Variants in DGKH observed in about 807,000 individuals in gnomAD.
DGKH encodes the protein diacylglycerol kinase eta.
DGKH carries 90 observed loss-of-function variants against 159.3 expected under a neutral mutation model. The observed-to-expected ratio is 0.57, with a 90% CI of 0.48 to 0.67. The LOEUF is 0.67. Among genes scored for constraint, DGKH ranks in the 30% least tolerant of loss-of-function variants. DGKH has a pLI of 0.00. For synonymous variants in DGKH, 536 were observed against 553.8 expected (o/e 0.97, Z 0.45); for missense variants, 1,181 against 1,506.1 (o/e 0.78, Z 3.57).
In DGKH at chr13:42,214,448, A is replaced by G. The variant is rs117665912; in HGVS notation, c.3015-59A>G. The G allele has an allele frequency of 2.7e-3, 4,188 of 1,541,362 alleles. 81 individuals are homozygous for G. In the East Asian group the frequency reaches 0.045, roughly 16 times the overall value. On this transcript the variant is annotated intron_variant, in intron 24 of 29. Transcript: ENST00000337343. ...TTTATCCTAACATTTCTATACTTCA[A>G]AAAAAATGAGCAATACTCAAAAAAG...
At chr13:42,098,965 T>A (rs145468334) in intron 1 of DGKH, among the ~76,000 whole-genome samples, 41 of 152,290 alleles carry the variant, frequency 2.7e-4, no homozygotes, top group Middle Eastern at 3.4e-3. Context: ...GGAAACATGA[T>A]TAAATGCCAA....
intron 30 of DGKH, chr13:42,256,161 T>C: frequency 8.4e-7 from 1 of 1,188,758 alleles, no homozygotes; most frequent in Non-Finnish European, 1.3e-6. Flanking sequence ...GTAGCCCAAG[T>C]CATGGGGAAT....
chr13:42,050,939 G>A (rs1259811899), intron 1 of DGKH, among the ~76,000 whole-genome samples: 1 of 152,180 alleles, frequency 6.6e-6, no homozygotes, highest in Admixed American at 6.5e-5. Context: ...ACTTATATCA[G>A]GATTAACCAG....
At chr13:42,119,135 G>C (rs1476690846) in intron 1 of DGKH, among the ~76,000 whole-genome samples, 2 of 152,162 alleles carry the variant, frequency 1.3e-5, no homozygotes, top group Non-Finnish European at 1.5e-5. Flanking sequence ...CAGATGCTAC[G>C]GTGATGCAGC....
intron 14 of DGKH, 148 bp downstream of exon 14, chr13:42,187,296 T>A (rs1035153825): frequency 3.1e-6 from 2 of 654,850 alleles, no homozygotes; most frequent in Non-Finnish European, 5.3e-6. Context: ...CTGAGAATTT[T>A]AAAAAATATT....
At chr13:42,181,005 G>T (rs1246228640) in intron 13 of DGKH, among the ~76,000 whole-genome samples, 2 of 151,926 alleles carry the variant, frequency 1.3e-5, no homozygotes, top group African/African-American at 4.8e-5. Flanking sequence ...GGCCGGGCGC[G>T]GTGGCTCACG....
rs200206347 is a variant in DGKH at position 42,190,391 on chromosome 13, T to A, written c.1913-12T>A. ...CACTTATCCAAACTATTTGTCTTCT[T>A]ACTACCTGAAGTTATGGATGACCCG... On this transcript the variant is annotated splice_polypyrimidine_tract_variant and intron_variant, in intron 15 of 29. Coordinates refer to ENST00000337343, the MANE Select transcript of DGKH (RefSeq NM_178009.5). The A allele has an allele frequency of 6.2e-7, 1 of 1,603,202 alleles. No homozygotes were observed. The highest frequency in any genetic ancestry group is 1.7e-5 in the Admixed American group (1 of 57,372).
intron 26 of DGKH, among the ~76,000 whole-genome samples, chr13:42,217,623 A>T (rs969898195): frequency 2.0e-5 from 3 of 152,302 alleles, no homozygotes; most frequent in South Asian, 2.1e-4. Context: ...AAAGTTCATA[A>T]TAACAGTAAT....
chr13:42,180,840 T>C (rs974668400), intron 13 of DGKH, among the ~76,000 whole-genome samples: 4 of 152,228 alleles, frequency 2.6e-5, no homozygotes, highest in African/African-American at 9.7e-5. Context: ...AAATTTTATT[T>C]CTTCTTCTTA....
chr13:42,215,115 G>A (rs1297675537), intron 25 of DGKH, among the ~76,000 whole-genome samples: 1 of 151,368 alleles, frequency 6.6e-6, no homozygotes, highest in Non-Finnish European at 1.5e-5. Context: ...CTCTTAAAAT[G>A]TGCCACATGG....
intron 1 of DGKH, among the ~76,000 whole-genome samples, chr13:42,106,403 GCTCTGCATA>G (rs1481076147): frequency 2.0e-5 from 3 of 152,110 alleles, no homozygotes; most frequent in African/African-American, 4.8e-5. Flanking sequence ...GTCCTGCCTG[GCTCTGCATA>G]CTCTCAGCAG....
At chr13:42,151,930 C>T (rs1236024736) in intron 3 of DGKH, among the ~76,000 whole-genome samples, 1 of 152,070 alleles carries the variant, frequency 6.6e-6, no homozygotes, top group Non-Finnish European at 1.5e-5. Flanking sequence ...CAAGCATTCC[C>T]TTTGCTCCAC....
At chr13:42,118,110 G>C (rs866560817) in intron 1 of DGKH, among the ~76,000 whole-genome samples, 31 of 152,176 alleles carry the variant, frequency 2.0e-4, no homozygotes, top group Non-Finnish European at 2.6e-4. Context: ...CCAGCTACTC[G>C]GGAGGCTGAG....
At position 42,230,288 on chromosome 13, in the gene DGKH, C is replaced by T. The variant is rs1424387425; in HGVS notation, c.*1100C>T. 2 of 152,280 alleles carry T rather than the reference C, an allele frequency of 1.3e-5. No individual in the cohort carries two copies. The highest frequency in any genetic ancestry group is 2.1e-4 in the South Asian group (1 of 4,822). The allele number at this position is 152,280 out of a possible 1,614,324, so 9.4% of individuals were successfully genotyped here. ...ACTCACCCGCTCTCTACAGTGACTT[C>T]TGACACGATCTTCCAAACAGAAGGG... On this transcript the variant is annotated 3_prime_UTR_variant, in exon 30 of 30. Coordinates refer to ENST00000337343, the MANE Select transcript of DGKH (RefSeq NM_178009.5).
intron 3 of DGKH, among the ~76,000 whole-genome samples, chr13:42,144,814 C>T (rs984018542): frequency 1.3e-5 from 2 of 152,196 alleles, no homozygotes; most frequent in Non-Finnish European, 2.9e-5. Flanking sequence ...TGTTATACCT[C>T]ACAGATTTTG....
chr13:42,130,461 TC>T (rs967491574), intron 3 of DGKH, among the ~76,000 whole-genome samples: 1 of 152,208 alleles, frequency 6.6e-6, no homozygotes, highest in Non-Finnish European at 1.5e-5. Context: ...GTATATAATT[TC>T]CCTCAAGATA....
At chr13:42,253,023 T>C (rs1958631475) in intron 30 of DGKH, among the ~76,000 whole-genome samples, 1 of 152,208 alleles carries the variant, frequency 6.6e-6, no homozygotes, top group African/African-American at 2.4e-5. Flanking sequence ...ATTTCAAGCA[T>C]TTTATAATTG....
intron 1 of DGKH, among the ~76,000 whole-genome samples, chr13:42,065,182 A>G (rs1286227696): frequency 6.6e-6 from 1 of 152,360 alleles, no homozygotes; most frequent in Middle Eastern, 3.4e-3. Context: ...TTCCAGTCAC[A>G]GGGAAAGAAT....
rs566363965 is a variant in DGKH at position 42,143,563 on chromosome 13, G to A, written c.385-11728G>A. 3.9e-5 allele frequency among the ~76,000 whole-genome samples: 6 copies of A among 152,230 alleles called. No individual in the cohort carries two copies. In the East Asian group the frequency reaches 1.2e-3, roughly 29 times the overall value. On this transcript the variant is annotated intron_variant, in intron 3 of 29. Transcript: ENST00000337343. ...TTTGGTTGGTAAGCTATTAATTATT[G>A]CCTCAATTTCAGAGCCTGTTATTGG...
Sources: allele counts gnomAD v4.1 joint callset (sites outside exome capture counted in the v4.1 genomes callset), GRCh38; gene constraint gnomAD v4.1.1; transcripts MANE v1.5; gene names NCBI Gene and HGNC (gene_info 2026-07-23, HGNC 2026-07-21).